The following TRAPPC8 variants were observed in gnomAD, a reference collection of about 807,000 sequenced individuals.
TRAPPC8 encodes general sporulation gene 1 homolog.
TRAPPC8 carries 54 observed loss-of-function variants against 174.3 expected under a neutral mutation model. The observed-to-expected ratio is 0.31, with a 90% confidence interval of 0.25 to 0.39. The LOEUF (loss-of-function observed/expected upper bound fraction) is 0.39, where lower values mean the gene tolerates loss of function less well. Ranked by LOEUF, TRAPPC8 falls within the 10% of genes least tolerant of loss-of-function variation. TRAPPC8 has a pLI of 1.00. For synonymous variants in TRAPPC8, 630 were observed against 579.9 expected (o/e 1.09, Z -1.24); for missense variants, 1,531 against 1,699.1 (o/e 0.90, Z 1.74).
At chr18:31,859,028 G>A (rs1206921627) in intron 19 of TRAPPC8, among the ~76,000 whole-genome samples, 1 of 152,176 alleles carries the variant, frequency 6.6e-6, no homozygotes, top group Non-Finnish European at 1.5e-5. Context: ...AGGAAGCAGA[G>A]GTTGCAGTGA....
chr18:31,916,108 A>C (rs1165398659), intron 4 of TRAPPC8, among the ~76,000 whole-genome samples, 164 bp downstream of exon 4: 1 of 152,010 alleles, frequency 6.6e-6, no homozygotes, highest in Non-Finnish European at 1.5e-5. Flanking sequence ...ACTGTTGAAT[A>C]TAATGCCAGG....
In TRAPPC8 at chr18:31,840,911, T is replaced by TA. The variant is rs35355808; in HGVS notation, c.3838-1455dup. 5.9e-3 allele frequency among the ~76,000 whole-genome samples: 806 copies of TA among 136,518 alleles called. 2 individuals carry two copies. The highest frequency in any genetic ancestry group is 0.013 in the African/African-American group (498 of 37,238). 89.6% of individuals were successfully genotyped at this position (136,518 alleles called of 152,430 possible). A position where few individuals can be genotyped will look rare whatever the true frequency, so the allele number is the denominator to read the frequency against. Reference sequence around the variant, plus strand: ...TCAAGTAACACCCTGGGGCTACTGGTAAAAAAAAAAAAAGACAAATTTTAA... The same window carrying TA: ...TCAAGTAACACCCTGGGGCTACTGGTAAAAAAAAAAAAAAGACAAATTTTAA... On this transcript the variant is annotated intron_variant, in intron 26 of 28. Transcript: ENST00000283351.
Position 31,908,897 on chromosome 18 carries a change from T to A in TRAPPC8, c.979A>T (p.Thr327Ser). The change falls in exon 7 of 29, where the codon ACA (threonine) becomes TCA (serine). Residue 327 changes from threonine to serine, a missense_variant. Physicochemically the swap from Thr to Ser is moderately conservative, Grantham distance 58. Transcript: ENST00000283351. ...ATTATTCCAGTATTTCCTTTCTTTG[T>A]TTCATGTAACGATGAAGCAGATCTT... ...HLRSASSLHE[T>S]KKGNTGIIHG... 6.2e-7 allele frequency: 1 copy of A among 1,613,884 alleles called. No homozygotes were observed. Among genetic ancestry groups the A allele is most frequent in the Admixed American group, 1.7e-5 (1 of 60,006 alleles).
At chr18:31,927,232 T>C (rs2037654617) in intron 2 of TRAPPC8, among the ~76,000 whole-genome samples, 1 of 152,072 alleles carries the variant, frequency 6.6e-6, no homozygotes, top group Non-Finnish European at 1.5e-5. Context: ...CTCAGCCTCC[T>C]GAGTAGCTGG....
intron 12 of TRAPPC8, among the ~76,000 whole-genome samples, chr18:31,877,448 T>C (rs2035211839): frequency 6.6e-6 from 1 of 151,542 alleles, no homozygotes; most frequent in East Asian, 2.0e-4. Flanking sequence ...CCGTCTCTAC[T>C]AAAAATACAA....
intron 9 of TRAPPC8, 121 bp downstream of exon 9, chr18:31,907,339 A>G (rs2036705566): frequency 3.2e-5 from 30 of 939,888 alleles, no homozygotes; most frequent in Non-Finnish European, 4.3e-5. Context: ...AACAATCTGT[A>G]AAGTACTATA....
rs2038421843 is a variant in TRAPPC8, at chr18:31,943,071, C to A, written c.-307G>T. ...CCTTCGGACGGCAAAACCTTGGTCA[C>A]TGCCCGGCCGGAACCGCCATGTTGA... On this transcript the variant is annotated 5_prime_UTR_variant, in exon 1 of 29. Coordinates refer to ENST00000283351, the MANE Select transcript of TRAPPC8 (RefSeq NM_014939.5). 1 of 459,402 alleles carries A rather than the reference C, an allele frequency of 2.2e-6. No individual in the cohort carries two copies. The highest frequency in any genetic ancestry group is 3.6e-6 in the Non-Finnish European group (1 of 280,382). 28.5% of individuals were successfully genotyped at this position (459,402 alleles called of 1,614,324 possible). A position where few individuals can be genotyped will look rare whatever the true frequency, so the allele number is the denominator to read the frequency against.
In TRAPPC8 at chr18:31,913,526, A is replaced by C. The variant is rs925902725; in HGVS notation, c.618-4T>G. On this transcript the variant is annotated splice_region_variant and splice_polypyrimidine_tract_variant and intron_variant, in intron 4 of 28. Coordinates refer to ENST00000283351, the MANE Select transcript of TRAPPC8 (RefSeq NM_014939.5). ...TTCTTCATAAATTGATTCAGCTCTA[A>C]AACAGAAAATGGAAAAAAATCTGAA... is the stretch of plus-strand genomic sequence containing the variant. 3 of 1,576,730 alleles carry C rather than the reference A, an allele frequency of 1.9e-6. No individual in the cohort carries two copies. Among genetic ancestry groups the C allele is most frequent in the East Asian group, 2.2e-5 (1 of 44,482 alleles).
At chr18:31,934,597 G>A (rs559392554) in intron 1 of TRAPPC8, among the ~76,000 whole-genome samples, 34 of 152,310 alleles carry the variant, frequency 2.2e-4, no homozygotes, top group African/African-American at 7.9e-4. Context: ...GCTGGGCGCA[G>A]TGGCTCACAC....
At chr18:31,874,366 G>T in intron 13 of TRAPPC8, 114 bp downstream of exon 13, 1 of 1,127,300 alleles carries the variant, frequency 8.9e-7, no homozygotes, top group Non-Finnish European at 1.2e-6. Flanking sequence ...GCTTTTTTAT[G>T]ACTGATAACT....
intron 4 of TRAPPC8, among the ~76,000 whole-genome samples, chr18:31,915,482 G>C (rs7505746): frequency 0.46 from 54,058 of 116,702 alleles, 12,311 homozygotes; most frequent in Middle Eastern, 0.63. Context: ...GGGGGGGGGC[G>C]CAGGCGCAGT....
intron 22 of TRAPPC8, 139 bp downstream of exon 22, chr18:31,853,710 C>T (rs2033839564): frequency 3.3e-6 from 2 of 597,936 alleles, no homozygotes; most frequent in African/African-American, 1.9e-5. Context: ...ATTTGACTTA[C>T]AGTTAGGTAA....
chr18:31,840,283 G>A, intron 26 of TRAPPC8, among the ~76,000 whole-genome samples: 1 of 152,096 alleles, frequency 6.6e-6, no homozygotes. Context: ...CTTGAACCCA[G>A]GAGGCGGAGG....
In TRAPPC8 at chr18:31,913,456, A is replaced by T; in HGVS notation, c.684T>A (p.Ile228=). Reference sequence around the variant, plus strand: ...ATGCTCGATTAGATGTTCGAGAATTAATTTTAAGTAAATAGCAACCCTGAG... The same window carrying T: ...ATGCTCGATTAGATGTTCGAGAATTTATTTTAAGTAAATAGCAACCCTGAG... ...YGTQGCYLLK[I]NSRTSNRASD... is the part of the protein sequence containing the mutation. Residue 228 remains isoleucine, a synonymous_variant, in exon 5 of 29, where the codon ATT becomes ATA. Coordinates refer to ENST00000283351, the MANE Select transcript of TRAPPC8 (RefSeq NM_014939.5). 6.2e-7 allele frequency: 1 copy of T among 1,612,180 alleles called. No homozygotes were observed. Among genetic ancestry groups the T allele is most frequent in the Non-Finnish European group, 8.5e-7 (1 of 1,179,618 alleles).
intron 2 of TRAPPC8, among the ~76,000 whole-genome samples, chr18:31,918,810 T>A (rs1483806992): frequency 1.3e-5 from 2 of 152,252 alleles, no homozygotes; most frequent in African/African-American, 4.8e-5. Context: ...AAGTATTTTG[T>A]ATCACAATTA....
Position 31,852,452 on chromosome 18 carries a change from A to G in TRAPPC8, c.3555T>C (p.Asn1185=), listed in dbSNP as rs369061340. The G allele has an allele frequency of 6.2e-7, 1 of 1,614,022 alleles. No individual in the cohort carries two copies. The highest frequency in any genetic ancestry group is 1.3e-5 in the African/African-American group (1 of 74,940). ...KYTFADIIFG[N]EQIISSASPC... ...ACTATGCTTACTTGCATACCTGTTCATTTCCAAAGATGATATCTGCAAAGG... is the reference window on the plus strand; with the variant it reads ...ACTATGCTTACTTGCATACCTGTTCGTTTCCAAAGATGATATCTGCAAAGG... Residue 1185 remains asparagine, a synonymous_variant, in exon 24 of 29, where the codon AAT becomes AAC. Coordinates refer to ENST00000283351, the MANE Select transcript of TRAPPC8 (RefSeq NM_014939.5).
At chr18:31,928,674 T>C (rs1051289908) in intron 2 of TRAPPC8, among the ~76,000 whole-genome samples, 1 of 152,242 alleles carries the variant, frequency 6.6e-6, no homozygotes, top group Admixed American at 6.5e-5. Context: ...ATTGTTGATA[T>C]TAACGTATTA....
intron 7 of TRAPPC8, 139 bp from the exon 8 acceptor site, chr18:31,908,557 T>C (rs2036763925): frequency 1.2e-6 from 1 of 863,046 alleles, no homozygotes; most frequent in Admixed American, 3.4e-5. Context: ...TCCAATATGC[T>C]GGCAAAATCC....
In TRAPPC8 at chr18:31,847,456, C is replaced by T. The variant is rs1005631672; in HGVS notation, c.3736-639G>A. Among the ~76,000 whole-genome samples, 4 of 152,224 alleles carry T rather than the reference C, an allele frequency of 2.6e-5. No individual in the cohort carries two copies. The East Asian group carries it at 7.7e-4, about 29-fold the overall frequency. The stretch of plus-strand genomic sequence containing the variant: ...GTCATTATCACATTATGTGCAAACA[C>T]AAAGGCTTAATTTTTTTGACAAGCC... On this transcript the variant is annotated intron_variant, in intron 25 of 28. Transcript: ENST00000283351.
Sources: allele counts gnomAD v4.1 joint callset (sites outside exome capture counted in the v4.1 genomes callset), GRCh38; gene constraint gnomAD v4.1.1; transcripts MANE v1.5; gene names NCBI Gene and HGNC (gene_info 2026-07-23, HGNC 2026-07-21).